RPS6KC1: variants seen among roughly 807,000 people sequenced by gnomAD.
The protein encoded by RPS6KC1 is ribosomal protein S6 kinase C1.
In RPS6KC1, 54 loss-of-function variants were observed where a neutral mutation model predicts 103.8. The ratio of observed to expected loss-of-function variants is 0.52; its 90% confidence interval spans 0.42 to 0.65. The LOEUF (loss-of-function observed/expected upper bound fraction) is 0.65, where lower values mean the gene tolerates loss of function less well. Ranked by LOEUF, RPS6KC1 falls within the 30% of genes least tolerant of loss-of-function variation. The probability of loss-of-function intolerance (pLI) is 0.00; values close to 1 mark genes in which losing one functional copy is unlikely to be tolerated. For synonymous variants in RPS6KC1, 439 were observed against 438.7 expected, an observed-to-expected ratio of 1.00 and a Z score of -0.01; for missense variants, 1,151 against 1,253.8, an observed-to-expected ratio of 0.92 and a Z score of 1.24.
intron 8 of RPS6KC1, among the ~76,000 whole-genome samples, chr1:213,213,478 G>A (rs2093572137): frequency 1.3e-5 from 2 of 152,212 alleles, no homozygotes; most frequent in African/African-American, 2.4e-5. Flanking sequence ...AAGCCTTGGA[G>A]TCAGGTAGTA....
At chr1:213,678,961 T>A in the RPS6KC1 span, among the ~76,000 whole-genome samples, 29 of 152,170 alleles carry the variant, frequency 1.9e-4, no homozygotes, top group Non-Finnish European at 3.2e-4. Flanking sequence ...TGGCAGAAAG[T>A]AAGCGCTCAG....
chr1:213,422,808 C>T, the RPS6KC1 span, among the ~76,000 whole-genome samples: 1 of 152,208 alleles, frequency 6.6e-6, no homozygotes, highest in African/African-American at 2.4e-5. Context: ...CCATATTACA[C>T]CTGCAAGGAT....
the RPS6KC1 span, among the ~76,000 whole-genome samples, chr1:213,361,578 G>A: frequency 6.6e-6 from 1 of 152,208 alleles, no homozygotes; most frequent in Non-Finnish European, 1.5e-5. Context: ...AAGCCCCAGT[G>A]AGATGAACCC....
At chr1:213,588,956 G>T in the RPS6KC1 span, among the ~76,000 whole-genome samples, 1 of 152,194 alleles carries the variant, frequency 6.6e-6, no homozygotes, top group East Asian at 1.9e-4. Flanking sequence ...GGCAGACAGT[G>T]TTCTTACAGA....
rs1281015919 is a variant in RPS6KC1 at position 213,183,889 on chromosome 1, CAA to C, written c.1044+7402_1044+7403del. Among the ~76,000 whole-genome samples the C allele has an allele frequency of 2.0e-5, 3 of 151,734 alleles. No homozygotes were observed. In the South Asian group the frequency reaches 6.2e-4, roughly 32 times the overall value. On this transcript the variant is annotated intron_variant, in intron 8 of 14. Transcript: ENST00000366960. ...ATTGATAAACCTCTAACAAGAGAGA[CAA>C]AAAAGAGAATACACCAATTATTACT...
intron 2 of RPS6KC1, among the ~76,000 whole-genome samples, chr1:213,077,271 A>G (rs1020107853): frequency 3.9e-5 from 6 of 152,222 alleles, no homozygotes; most frequent in East Asian, 1.9e-4. Flanking sequence ...GAAAGGATAC[A>G]TGTTTTGACA....
At chr1:213,665,720 G>C in the RPS6KC1 span, among the ~76,000 whole-genome samples, 1 of 152,140 alleles carries the variant, frequency 6.6e-6, no homozygotes, top group African/African-American at 2.4e-5. Flanking sequence ...GTGAACAATG[G>C]TATAGGTACA....
chr1:213,160,934 A>G (rs1212085310), intron 6 of RPS6KC1, among the ~76,000 whole-genome samples: 1 of 152,170 alleles, frequency 6.6e-6, no homozygotes, highest in Non-Finnish European at 1.5e-5. Context: ...CCAACATGGC[A>G]CATGTATACA....
chr1:213,778,184 C>A, the RPS6KC1 span, among the ~76,000 whole-genome samples: 1 of 152,154 alleles, frequency 6.6e-6, no homozygotes, highest in African/African-American at 2.4e-5. Context: ...CAGGAATTAT[C>A]AAGAGGATTG....
intron 8 of RPS6KC1, among the ~76,000 whole-genome samples, chr1:213,216,806 A>G (rs985585981): frequency 6.6e-6 from 1 of 152,256 alleles, no homozygotes; most frequent in Non-Finnish European, 1.5e-5. Context: ...AGAAATAAAG[A>G]TGTTCTTTCA....
intron 2 of RPS6KC1, among the ~76,000 whole-genome samples, chr1:213,074,378 G>A (rs2079123587): frequency 6.6e-6 from 1 of 152,120 alleles, no homozygotes; most frequent in Non-Finnish European, 1.5e-5. Flanking sequence ...TAAAGAAAGA[G>A]GTTGTTATAG....
chr1:213,313,239 T>G, the RPS6KC1 span, among the ~76,000 whole-genome samples: 1 of 152,184 alleles, frequency 6.6e-6, no homozygotes, highest in Non-Finnish European at 1.5e-5. Context: ...ACACGATGCC[T>G]TCAGCCTTCA....
At chr1:213,398,572 C>T in the RPS6KC1 span, among the ~76,000 whole-genome samples, 1 of 152,136 alleles carries the variant, frequency 6.6e-6, no homozygotes, top group Non-Finnish European at 1.5e-5. Flanking sequence ...GCATGTTTGC[C>T]ATGCTGGACT....
the RPS6KC1 span, among the ~76,000 whole-genome samples, chr1:213,373,677 T>C: frequency 6.6e-6 from 1 of 152,234 alleles, no homozygotes; most frequent in Non-Finnish European, 1.5e-5. Flanking sequence ...CCATACAGAA[T>C]ATCCTATTGC....
the RPS6KC1 span, among the ~76,000 whole-genome samples, chr1:213,304,142 C>T: frequency 7.1e-6 from 1 of 141,774 alleles, no homozygotes. Context: ...GGAGGCGGAG[C>T]TTGCAGTGAG....
At chr1:213,179,055 T>G (rs1255547411) in intron 8 of RPS6KC1, among the ~76,000 whole-genome samples, 3 of 152,074 alleles carry the variant, frequency 2.0e-5, no homozygotes, top group Admixed American at 1.3e-4. Context: ...AATATGTATT[T>G]GGGGAATTAA....
the RPS6KC1 span, among the ~76,000 whole-genome samples, chr1:213,814,079 T>C: frequency 1.3e-5 from 2 of 152,206 alleles, no homozygotes; most frequent in Non-Finnish European, 2.9e-5. Context: ...TTAGAACATG[T>C]GGATGCTGTA....
chr1:213,593,379 C>T, the RPS6KC1 span, among the ~76,000 whole-genome samples: 1 of 152,038 alleles, frequency 6.6e-6, no homozygotes, highest in Non-Finnish European at 1.5e-5. Flanking sequence ...AGCAGGGAGA[C>T]CAATTAGGAG....
At chr1:213,446,452 G>A in the RPS6KC1 span, among the ~76,000 whole-genome samples, 1 of 152,338 alleles carries the variant, frequency 6.6e-6, no homozygotes, top group African/African-American at 2.4e-5. Context: ...TCTCAGGCAG[G>A]AGTTGATGCT....
Sources: allele counts gnomAD v4.1 joint callset (sites outside exome capture counted in the v4.1 genomes callset), GRCh38; gene constraint gnomAD v4.1.1; transcripts MANE v1.5; gene names NCBI Gene and HGNC (gene_info 2026-07-23, HGNC 2026-07-21).